The following PMEPA1 variants were observed in gnomAD, a reference collection of about 807,000 sequenced individuals.
PMEPA1 encodes protein TMEPAI.
A neutral mutation model predicts 23.0 loss-of-function variants in PMEPA1; 11 were observed. The observed-to-expected ratio is 0.48, with a 90% CI of 0.30 to 0.79. The LOEUF (loss-of-function observed/expected upper bound fraction) is 0.79, where lower values mean the gene tolerates loss of function less well. Ranked by LOEUF, PMEPA1 falls within the 30% of genes least tolerant of loss-of-function variation. PMEPA1 has a pLI of 0.06. For missense variants in PMEPA1, 377 were observed against 390.9 expected (o/e 0.96, Z 0.30); for synonymous variants, 204 against 166.4 (o/e 1.23, Z -1.74).
At chr20:57,699,670 G>A (rs1289244330) in intron 1 of PMEPA1, among the ~76,000 whole-genome samples, 1 of 152,218 alleles carries the variant, frequency 6.6e-6, no homozygotes, top group Non-Finnish European at 1.5e-5. Context: ...AAAACCTCCT[G>A]GGGGAAAGAG....
At position 57,709,699 on chromosome 20, in the gene PMEPA1, G is replaced by C. The variant is rs2072142531; in HGVS notation, c.-117C>G. On this transcript the variant is annotated 5_prime_UTR_variant, in exon 1 of 4. Transcript: ENST00000341744. ...AGGAGGCGCGCGGCGGGGGAGGCGC[G>C]CCCCGGCTCGCCGGGCTCGGGTCGC... 1.6e-5 allele frequency: 16 copies of C among 977,690 alleles called. No homozygotes were observed. Among genetic ancestry groups the C allele is most frequent in the Non-Finnish European group, 1.9e-5 (16 of 826,730 alleles). The allele number at this position is 977,690 out of a possible 1,614,324, so 60.6% of individuals were successfully genotyped here.
intron 1 of PMEPA1, among the ~76,000 whole-genome samples, chr20:57,693,873 A>G (rs1372931082): frequency 6.6e-6 from 1 of 152,216 alleles, no homozygotes; most frequent in African/African-American, 2.4e-5. Flanking sequence ...CGGGGCACCA[A>G]GGAAGTACTC....
intron 2 of PMEPA1, among the ~76,000 whole-genome samples, chr20:57,659,148 G>A (rs1348286500): frequency 1.3e-5 from 2 of 150,060 alleles, no homozygotes; most frequent in Non-Finnish European, 2.9e-5. Flanking sequence ...CGCATCTCCT[G>A]CATGGCGCTA....
intron 1 of PMEPA1, chr20:57,690,479 T>C (rs574769405): frequency 7.7e-7 from 1 of 1,303,288 alleles, no homozygotes; most frequent in South Asian, 1.2e-5. Context: ...AAGGAGTGTA[T>C]ATCACTTTTT....
intron 2 of PMEPA1, 90 bp from the exon 3 acceptor site, chr20:57,653,176 C>T: frequency 1.8e-6 from 2 of 1,082,886 alleles, no homozygotes; most frequent in South Asian, 1.3e-5. Context: ...TAGGCCTTTA[C>T]CCTGGAATCA....
At position 57,653,025 on chromosome 20, in the gene PMEPA1, G is replaced by A; in HGVS notation, c.318+8C>T. ...GGGTGTTGGAGGGGAGGCCGAGGGAGGTCTCACCTCTGGGATTCCGTTGCC... is the reference window on the plus strand; with the variant it reads ...GGGTGTTGGAGGGGAGGCCGAGGGAAGTCTCACCTCTGGGATTCCGTTGCC... On this transcript the variant is annotated splice_region_variant and intron_variant, in intron 3 of 3. Coordinates refer to ENST00000341744, the MANE Select transcript of PMEPA1 (RefSeq NM_020182.5). The A allele has an allele frequency of 6.3e-7, 1 of 1,592,968 alleles. No individual in the cohort carries two copies. The highest frequency in any genetic ancestry group is 8.6e-7 in the Non-Finnish European group (1 of 1,169,248).
At chr20:57,710,899 C>T (rs2072172900), upstream of PMEPA1, 1 of 159,630 alleles carries the variant, frequency 6.3e-6, no homozygotes, top group Non-Finnish European at 1.4e-5. Flanking sequence ...AGTGTGTCGC[C>T]TTTTAGACAC....
At chr20:57,697,294 C>A (rs2071954244) in intron 1 of PMEPA1, among the ~76,000 whole-genome samples, 1 of 152,228 alleles carries the variant, frequency 6.6e-6, no homozygotes, top group African/African-American at 2.4e-5. Flanking sequence ...TGAACCCCGA[C>A]TGGGAGCAGA....
intron 1 of PMEPA1, among the ~76,000 whole-genome samples, chr20:57,687,534 C>T (rs2071817584): frequency 1.3e-5 from 2 of 152,216 alleles, no homozygotes; most frequent in Admixed American, 6.5e-5. Context: ...TCAAAGAGCC[C>T]AGCCCTGCCT....
chr20:57,662,726 T>C (rs532265985), intron 1 of PMEPA1, among the ~76,000 whole-genome samples: 26 of 95,738 alleles, frequency 2.7e-4, no homozygotes, highest in Non-Finnish European at 3.7e-4. Context: ...CCCCGGGGCC[T>C]GCAATTCCCT....
chr20:57,675,315 A>G (rs1373132881), intron 1 of PMEPA1, among the ~76,000 whole-genome samples: 1 of 152,176 alleles, frequency 6.6e-6, no homozygotes, highest in South Asian at 2.1e-4. Context: ...CCCGAAAAGC[A>G]GCCTCCAGCA....
At position 57,685,602 on chromosome 20, in the gene PMEPA1, G is replaced by C. The variant is rs940241864; in HGVS notation, c.109+23872C>G. ...TTTGGGGTCTGCTGGTGGACTGGCT[G>C]GGGGGAGGGGGCTGGCTGCTCCAGA... On this transcript the variant is annotated intron_variant, in intron 1 of 3. Coordinates refer to ENST00000341744, the MANE Select transcript of PMEPA1 (RefSeq NM_020182.5). Among the ~76,000 whole-genome samples the C allele has an allele frequency of 1.1e-4, 17 of 152,220 alleles. 1 individual carries two copies. Among genetic ancestry groups the C allele is most frequent in the Admixed American group, 3.9e-4 (6 of 15,294 alleles).
intron 1 of PMEPA1, among the ~76,000 whole-genome samples, chr20:57,703,659 G>A (rs2072040412): frequency 6.6e-6 from 1 of 152,362 alleles, no homozygotes; most frequent in Non-Finnish European, 1.5e-5. Flanking sequence ...TTACCTCCAT[G>A]TTCAAGGCCA....
upstream of PMEPA1, chr20:57,710,232 C>G (rs920622809): frequency 9.3e-6 from 5 of 535,712 alleles, no homozygotes; most frequent in Non-Finnish European, 1.5e-5. Context: ...CTCTCCCCAA[C>G]GGCGGTCAGC....
At chr20:57,662,445 C>T (rs1256795839) in intron 1 of PMEPA1, among the ~76,000 whole-genome samples, 1 of 152,214 alleles carries the variant, frequency 6.6e-6, no homozygotes, top group African/African-American at 2.4e-5. Flanking sequence ...CTTTCCCAAG[C>T]CCCGAGAAGG....
Position 57,684,200 on chromosome 20 carries a change from G to A in PMEPA1, c.110-24503C>T, listed in dbSNP as rs2071767485. 2.0e-5 allele frequency among the ~76,000 whole-genome samples: 3 copies of A among 151,436 alleles called. No homozygotes were observed. In the South Asian group the frequency reaches 6.3e-4, roughly 32 times the overall value. ...AACCGGAGGGCAGATTGATGACTGC[G>A]GGAGGGGAGGCGGGTGGAAATTTAT... is the stretch of plus-strand genomic sequence containing the variant. On this transcript the variant is annotated intron_variant, in intron 1 of 3. Transcript: ENST00000341744.
intron 1 of PMEPA1, chr20:57,690,350 C>A: frequency 9.8e-7 from 1 of 1,019,592 alleles, no homozygotes; most frequent in Non-Finnish European, 1.4e-6. Flanking sequence ...ATCAGCGCTA[C>A]ACATGCAAAT....
At chr20:57,665,641 G>T (rs2071482249) in intron 1 of PMEPA1, among the ~76,000 whole-genome samples, 1 of 152,116 alleles carries the variant, frequency 6.6e-6, no homozygotes, top group South Asian at 2.1e-4. Flanking sequence ...GGGACAAAAA[G>T]CATCCCTCGT....
Position 57,702,624 on chromosome 20 carries a change from A to C in PMEPA1, c.109+6850T>G, listed in dbSNP as rs1362845852. On this transcript the variant is annotated intron_variant, in intron 1 of 3. Transcript: ENST00000341744. The stretch of plus-strand genomic sequence containing the variant: ...TCAGGAGGTCGGTGTAGTGGAAAAG[A>C]AAGCCTGGGAGTGTGGACTGCAAGG... Among the ~76,000 whole-genome samples, 3 of 152,332 alleles carry C rather than the reference A, an allele frequency of 2.0e-5. No homozygotes were observed. In the East Asian group the frequency reaches 5.8e-4, roughly 29 times the overall value.
Sources: allele counts gnomAD v4.1 joint callset (sites outside exome capture counted in the v4.1 genomes callset), GRCh38; gene constraint gnomAD v4.1.1; transcripts MANE v1.5; gene names NCBI Gene and HGNC (gene_info 2026-07-23, HGNC 2026-07-21).